Variants in SYT1 observed in about 807,000 individuals in gnomAD.
The protein encoded by SYT1 is synaptotagmin 1.
A neutral mutation model predicts 44.8 loss-of-function variants in SYT1; 8 were observed. The ratio of observed to expected loss-of-function variants is 0.18; its 90% CI spans 0.10 to 0.32. The LOEUF (loss-of-function observed/expected upper bound fraction) is 0.32. SYT1 is among the 10% of genes least tolerant of loss of function. The pLI is 1.00. For synonymous variants in SYT1, 154 were observed against 188.8 expected (o/e 0.82, Z 1.51); for missense variants, 286 against 509.3 (o/e 0.56, Z 4.22).
intron 3 of SYT1, among the ~76,000 whole-genome samples, chr12:79,126,737 C>G (rs1036059022): frequency 2.0e-5 from 3 of 152,056 alleles, no homozygotes; most frequent in Non-Finnish European, 4.4e-5. Flanking sequence ...CCTAGATGTC[C>G]TGGATTAGTA....
intron 3 of SYT1, among the ~76,000 whole-genome samples, chr12:79,158,187 T>C (rs558682469): frequency 6.6e-6 from 1 of 152,084 alleles, no homozygotes; most frequent in African/African-American, 2.4e-5. Context: ...CTCACTATCA[T>C]GTAGAATCAG....
At chr12:79,008,766 G>A (rs1871244099) in intron 2 of SYT1, among the ~76,000 whole-genome samples, 1 of 152,056 alleles carries the variant, frequency 6.6e-6, no homozygotes, top group Non-Finnish European at 1.5e-5. Context: ...GCTTATTCCT[G>A]CTTTTTGCTA....
chr12:79,381,071 A>G (rs1252858535), intron 9 of SYT1, among the ~76,000 whole-genome samples: 2 of 152,194 alleles, frequency 1.3e-5, no homozygotes, highest in Non-Finnish European at 2.9e-5. Context: ...AGAGACTCTG[A>G]AATCTGAAGT....
chr12:79,163,645 AT>A (rs1336476054), intron 3 of SYT1, among the ~76,000 whole-genome samples: 1 of 151,944 alleles, frequency 6.6e-6, no homozygotes, highest in Non-Finnish European at 1.5e-5. Flanking sequence ...TGCTCTTTCT[AT>A]TGCCGTTCTC....
chr12:79,255,109 T>C (rs1877441200), intron 4 of SYT1, among the ~76,000 whole-genome samples: 2 of 152,208 alleles, frequency 1.3e-5, no homozygotes. Flanking sequence ...TATCAAACAG[T>C]ATCACAGGCT....
Position 79,038,682 on chromosome 12 carries a change from A to G in SYT1, c.-83-8615A>G, listed in dbSNP as rs968538310. Among the ~76,000 whole-genome samples the G allele has an allele frequency of 2.6e-5, 4 of 152,044 alleles. No homozygotes were observed. The East Asian group carries it at 7.7e-4, about 29-fold the overall frequency. On this transcript the variant is annotated intron_variant, in intron 2 of 10. Coordinates refer to ENST00000261205, the MANE Select transcript of SYT1 (RefSeq NM_005639.3). ...GTCCAAGACAGAAAACTCTGAGTTTATTAATATTTTACAGTTTTGAAATTT... is the reference window on the plus strand; with the variant it reads ...GTCCAAGACAGAAAACTCTGAGTTTGTTAATATTTTACAGTTTTGAAATTT...
At chr12:79,370,333 G>A (rs1593007919) in intron 9 of SYT1, among the ~76,000 whole-genome samples, 1 of 152,174 alleles carries the variant, frequency 6.6e-6, no homozygotes, top group East Asian at 1.9e-4. Flanking sequence ...TCTGAAAAAT[G>A]TGAGAAAAGA....
chr12:79,158,783 G>C (rs142108630), intron 3 of SYT1, among the ~76,000 whole-genome samples: 116 of 152,104 alleles, frequency 7.6e-4, no homozygotes, highest in African/African-American at 2.7e-3. Flanking sequence ...TGTAGTCCCA[G>C]CTATTTTGGA....
chr12:78,984,072 T>G (rs1254883518), intron 2 of SYT1, among the ~76,000 whole-genome samples: 13 of 151,976 alleles, frequency 8.6e-5, no homozygotes, highest in Non-Finnish European at 1.5e-5. Context: ...TTGTATCAAG[T>G]GTGCCTTTAT....
chr12:79,173,416 A>T (rs1250315862), intron 3 of SYT1, among the ~76,000 whole-genome samples: 1 of 152,080 alleles, frequency 6.6e-6, no homozygotes, highest in Admixed American at 6.6e-5. Context: ...CCACTGCCCC[A>T]CCTGGGCAAG....
At chr12:79,000,158 G>A (rs1238364461) in intron 2 of SYT1, among the ~76,000 whole-genome samples, 1 of 151,998 alleles carries the variant, frequency 6.6e-6, no homozygotes, top group East Asian at 1.9e-4. Flanking sequence ...GGAAAGCAGA[G>A]TGCAATTTTT....
intron 1 of SYT1, among the ~76,000 whole-genome samples, chr12:78,934,134 ATG>A (rs372625285): frequency 1.2e-3 from 186 of 150,764 alleles, no homozygotes; most frequent in African/African-American, 3.9e-3. Context: ...GTGTGTATAT[ATG>A]TGTGTGTGTG....
chr12:79,161,245 A>T (rs986588680), intron 3 of SYT1, among the ~76,000 whole-genome samples: 20 of 152,078 alleles, frequency 1.3e-4, no homozygotes, highest in African/African-American at 4.8e-4. Flanking sequence ...GTCTCAAAAA[A>T]GTGGGGGATT....
intron 9 of SYT1, among the ~76,000 whole-genome samples, chr12:79,427,478 C>T (rs993194512): frequency 6.6e-6 from 1 of 152,104 alleles, no homozygotes; most frequent in African/African-American, 2.4e-5. Flanking sequence ...TCAGCTAGTG[C>T]TAAAGATATG....
chr12:79,441,766 C>T (rs1174741011), intron 9 of SYT1, among the ~76,000 whole-genome samples: 2 of 152,210 alleles, frequency 1.3e-5, no homozygotes, highest in Non-Finnish European at 2.9e-5. Context: ...CCCCTGCCTT[C>T]ATTGTTTCTC....
chr12:79,310,880 T>C (rs1403163703), intron 8 of SYT1, among the ~76,000 whole-genome samples: 1 of 152,238 alleles, frequency 6.6e-6, no homozygotes, highest in African/African-American at 2.4e-5. Flanking sequence ...CCTGAGACTT[T>C]GCTGAAGTTG....
chr12:79,217,068 T>G (rs1264294719), intron 3 of SYT1, among the ~76,000 whole-genome samples: 1 of 152,222 alleles, frequency 6.6e-6, no homozygotes, highest in Non-Finnish European at 1.5e-5. Flanking sequence ...CATGTTATCA[T>G]TTATCAACAT....
intron 1 of SYT1, among the ~76,000 whole-genome samples, chr12:78,935,764 A>G (rs1380044140): frequency 6.6e-6 from 1 of 152,156 alleles, no homozygotes; most frequent in Admixed American, 6.6e-5. Context: ...AAAAATTAAA[A>G]CAAAAAAGAA....
chr12:78,971,001 A>AAT (rs1868361229), intron 1 of SYT1, among the ~76,000 whole-genome samples: 1 of 152,174 alleles, frequency 6.6e-6, no homozygotes, highest in Non-Finnish European at 1.5e-5. Context: ...TAAAATTTAA[A>AAT]AAAATACAAA....
Sources: allele counts gnomAD v4.1 joint callset (sites outside exome capture counted in the v4.1 genomes callset), GRCh38; gene constraint gnomAD v4.1.1; transcripts MANE v1.5; gene names NCBI Gene and HGNC (gene_info 2026-07-23, HGNC 2026-07-21).